Variants in YIPF4 observed in about 807,000 individuals in gnomAD.
YIPF4 encodes Yip1 domain family member 4, also known as protein YIPF4.
In YIPF4, 18 loss-of-function variants were observed where a neutral mutation model predicts 29.4. The observed-to-expected ratio is 0.61, with a 90% CI of 0.42 to 0.91. The LOEUF is 0.91. Among genes scored for constraint, YIPF4 ranks in the 40% least tolerant of loss-of-function variants. The probability of loss-of-function intolerance (pLI) is 0.00; values close to 1 mark genes in which losing one functional copy is unlikely to be tolerated. For synonymous variants in YIPF4, 115 were observed against 104.7 expected (o/e 1.10, Z -0.60); for missense variants, 279 against 282.7 (o/e 0.99, Z 0.09).
rs1353837598 is a variant in YIPF4 at position 32,313,011 on chromosome 2, C to T, written c.*7385C>T. On this transcript the variant is annotated 3_prime_UTR_variant, in exon 6 of 6. Transcript: ENST00000238831. ...GTCTCAAAAAAAAAGACCGCCCCCC[C>T]CAATATACACACACCCTGACTTTAA... 6.6e-6 allele frequency: 1 copy of T among 151,964 alleles called. No individual in the cohort carries two copies. The highest frequency in any genetic ancestry group is 1.5e-5 in the Non-Finnish European group (1 of 68,010). The allele number at this position is 151,964 out of a possible 1,614,324, so 9.4% of individuals were successfully genotyped here. A position where few individuals can be genotyped will look rare whatever the true frequency, so the allele number is the denominator to read the frequency against.
chr2:32,284,891 T>A (rs1296401667), intron 1 of YIPF4, among the ~76,000 whole-genome samples: 1 of 152,070 alleles, frequency 6.6e-6, no homozygotes, highest in Non-Finnish European at 1.5e-5. Context: ...TGGGCCTGGA[T>A]AAGATAGGGC....
chr2:32,299,251 T>C (rs2031307811), intron 4 of YIPF4, among the ~76,000 whole-genome samples: 1 of 152,172 alleles, frequency 6.6e-6, no homozygotes, highest in African/African-American at 2.4e-5. Flanking sequence ...CCAACTACAT[T>C]TTAACATAAA....
rs2031669344 is a variant in YIPF4, at chr2:32,309,437, A to T, written c.*3811A>T. On this transcript the variant is annotated 3_prime_UTR_variant, in exon 6 of 6. Transcript: ENST00000238831. ...GAAAGGGTATACTCAATCTGTATTAACATAGACTTCTAAATTAGTGAAAAT... is the reference window on the plus strand; with the variant it reads ...GAAAGGGTATACTCAATCTGTATTATCATAGACTTCTAAATTAGTGAAAAT... 1 of 152,232 alleles carries T rather than the reference A, an allele frequency of 6.6e-6. No homozygotes were observed. The highest frequency in any genetic ancestry group is 1.5e-5 in the Non-Finnish European group (1 of 68,038). The allele number at this position is 152,232 out of a possible 1,614,324, so 9.4% of individuals were successfully genotyped here.
chr2:32,278,215 C>T lies in YIPF4; in HGVS notation c.60C>T (p.Val20=), dbSNP rs1287251032. Residue 20 remains valine, a synonymous_variant, in exon 1 of 6, where the codon GTC becomes GTT. Transcript: ENST00000238831. ...YAPTNGDFTF[V]SSADAEDLSG... is the part of the protein sequence containing the mutation. ...CCACTAACGGGGACTTCACCTTTGTCTCCTCAGCAGACGCGGAAGGTGAGG... is the reference window on the plus strand; with the variant it reads ...CCACTAACGGGGACTTCACCTTTGTTTCCTCAGCAGACGCGGAAGGTGAGG... 6.4e-7 allele frequency: 1 copy of T among 1,569,760 alleles called. No homozygotes were observed. The highest frequency in any genetic ancestry group is 2.4e-5 in the East Asian group (1 of 42,050).
intron 1 of YIPF4, among the ~76,000 whole-genome samples, chr2:32,279,663 C>T (rs1239034890): frequency 6.6e-6 from 1 of 151,478 alleles, no homozygotes; most frequent in Non-Finnish European, 1.5e-5. Flanking sequence ...TCCGCCTCGG[C>T]CTCCCAAAGT....
chr2:32,296,695 G>A (rs1237156064), intron 3 of YIPF4, among the ~76,000 whole-genome samples: 2 of 152,160 alleles, frequency 1.3e-5, no homozygotes, highest in Non-Finnish European at 2.9e-5. Context: ...ACTTGGTTAG[G>A]TGATAGGGTA....
chr2:32,298,414 G>C, intron 4 of YIPF4, 103 bp downstream of exon 4: 1 of 819,826 alleles, frequency 1.2e-6, no homozygotes, highest in Non-Finnish European at 2.0e-6. Flanking sequence ...TCTTGTCCCA[G>C]AATTGCTTTA....
intron 3 of YIPF4, among the ~76,000 whole-genome samples, chr2:32,292,699 T>C (rs923099142): frequency 6.6e-6 from 1 of 151,398 alleles, no homozygotes; most frequent in African/African-American, 2.4e-5. Context: ...CTGTCTCTAC[T>C]AAAACTACAA....
Position 32,314,648 on chromosome 2 carries a change from G to A in YIPF4, c.*9022G>A, listed in dbSNP as rs1286166258. The A allele has an allele frequency of 6.6e-6, 1 of 152,056 alleles. No individual in the cohort carries two copies. The highest frequency in any genetic ancestry group is 1.5e-5 in the Non-Finnish European group (1 of 68,038). 9.4% of individuals were successfully genotyped at this position (152,056 alleles called of 1,614,324 possible). ...AGATGTCACCATTGCACTCCAGCCT[G>A]GGCAAGAAGAGCAAAACTTCGTCTC... On this transcript the variant is annotated 3_prime_UTR_variant, in exon 6 of 6. Transcript: ENST00000238831.
chr2:32,288,688 TA>T (rs1332809963), intron 1 of YIPF4, among the ~76,000 whole-genome samples: 2 of 152,138 alleles, frequency 1.3e-5, no homozygotes, highest in African/African-American at 4.8e-5. Flanking sequence ...TACACGCCAG[TA>T]ATCTCAGCTA....
At chr2:32,298,401 C>CT in intron 4 of YIPF4, 90 bp downstream of exon 4, 5 of 929,216 alleles carry the variant, frequency 5.4e-6, no homozygotes, top group Non-Finnish European at 8.3e-6. Flanking sequence ...ATACAAGAAA[C>CT]TTTCTTGTCC....
Position 32,308,053 on chromosome 2 carries a change from A to G in YIPF4, c.*2427A>G, listed in dbSNP as rs562730382. 4 of 151,302 alleles carry G rather than the reference A, an allele frequency of 2.6e-5. No homozygotes were observed. The South Asian group carries it at 8.3e-4, about 32-fold the overall frequency. 9.4% of individuals were successfully genotyped at this position (151,302 alleles called of 1,614,324 possible). A position where few individuals can be genotyped will look rare whatever the true frequency, so the allele number is the denominator to read the frequency against. On this transcript the variant is annotated 3_prime_UTR_variant, in exon 6 of 6. Transcript: ENST00000238831. ...TCTCCTTGAATTTTTATATAATAAT[A>G]TTTTCTGAGTCATAACTAATTTTTT... is the stretch of plus-strand genomic sequence containing the variant.
chr2:32,291,572 T>C (rs1437028974), intron 2 of YIPF4, among the ~76,000 whole-genome samples: 1 of 152,074 alleles, frequency 6.6e-6, no homozygotes, highest in Non-Finnish European at 1.5e-5. Flanking sequence ...CCGTATACCA[T>C]CAAATCTAAG....
intron 1 of YIPF4, among the ~76,000 whole-genome samples, chr2:32,288,497 A>G (rs2030776285): frequency 6.6e-6 from 1 of 152,088 alleles, no homozygotes; most frequent in African/African-American, 2.4e-5. Flanking sequence ...CTGGATGTAA[A>G]TCTTCTTCTT....
chr2:32,302,696 T>C (rs1341993652), intron 5 of YIPF4, among the ~76,000 whole-genome samples: 1 of 152,242 alleles, frequency 6.6e-6, no homozygotes, highest in African/African-American at 2.4e-5. Flanking sequence ...ATATGTATAT[T>C]ACACAGTGAA....
Position 32,306,318 on chromosome 2 carries a change from A to G in YIPF4, c.*692A>G. 1.0e-6 allele frequency: 1 copy of G among 985,766 alleles called. No individual in the cohort carries two copies. The highest frequency in any genetic ancestry group is 1.2e-6 in the Non-Finnish European group (1 of 829,874). The allele number at this position is 985,766 out of a possible 1,614,324, so 61.1% of individuals were successfully genotyped here. A position where few individuals can be genotyped will look rare whatever the true frequency, so the allele number is the denominator to read the frequency against. ...TTTGGTTTGTTTGGGTATACTTTTC[A>G]AAACCATTTTTGAATGTCCAAACAT... is the stretch of plus-strand genomic sequence containing the variant. On this transcript the variant is annotated 3_prime_UTR_variant, in exon 6 of 6. Transcript: ENST00000238831.
At chr2:32,286,516 C>T (rs2030677412) in intron 1 of YIPF4, among the ~76,000 whole-genome samples, 1 of 151,932 alleles carries the variant, frequency 6.6e-6, no homozygotes, top group African/African-American at 2.4e-5. Context: ...AAAAATATAA[C>T]CTAAGACAAA....
rs533919908 is a variant in YIPF4 at position 32,307,743 on chromosome 2, A to G, written c.*2117A>G. On this transcript the variant is annotated 3_prime_UTR_variant, in exon 6 of 6. Transcript: ENST00000238831. ...GGAGTTTGAGACCAGCCTGGCCAAC[A>G]TGGCGAAACCCCGTCTCTACTAAAA... 6.6e-6 allele frequency: 1 copy of G among 152,310 alleles called. No homozygotes were observed. The highest frequency in any genetic ancestry group is 6.5e-5 in the Admixed American group (1 of 15,286). 9.4% of individuals were successfully genotyped at this position (152,310 alleles called of 1,614,324 possible).
At chr2:32,295,039 C>T (rs1444372866) in intron 3 of YIPF4, among the ~76,000 whole-genome samples, 1 of 129,012 alleles carries the variant, frequency 7.8e-6, no homozygotes, top group East Asian at 2.3e-4. Context: ...TTCGGCTCGG[C>T]ATCAGAGGGA....
Sources: allele counts gnomAD v4.1 joint callset (sites outside exome capture counted in the v4.1 genomes callset), GRCh38; gene constraint gnomAD v4.1.1; transcripts MANE v1.5; gene names NCBI Gene and HGNC (gene_info 2026-07-23, HGNC 2026-07-21).